FBXL17: variants seen among roughly 807,000 people sequenced by gnomAD.
FBXL17 encodes the protein F-box and leucine rich repeat protein 17, also known as F-box/LRR-repeat protein 17.
In FBXL17, 22 loss-of-function variants were observed where a neutral mutation model predicts 66.2. The observed-to-expected ratio is 0.33, with a 90% confidence interval of 0.24 to 0.47. FBXL17 has a LOEUF of 0.47. Among genes scored for constraint, FBXL17 ranks in the 20% least tolerant of loss-of-function variants. FBXL17 has a pLI of 1.00. For synonymous variants in FBXL17, 474 were observed against 400.5 expected (o/e 1.18, Z -2.19); for missense variants, 878 against 948.2 (o/e 0.93, Z 0.97).
At position 108,351,892 on chromosome 5, in the gene FBXL17, C is replaced by T. The variant is rs1338506955; in HGVS notation, c.1375-3362G>A. 3.3e-5 allele frequency among the ~76,000 whole-genome samples: 5 copies of T among 152,312 alleles called. No homozygotes were observed. In the East Asian group the frequency reaches 9.6e-4, roughly 29 times the overall value. On this transcript the variant is annotated intron_variant, in intron 3 of 8. Coordinates refer to ENST00000542267, the MANE Select transcript of FBXL17 (RefSeq NM_001163315.3). ...AATGTGCATGGACAAGTTGGTAGAA[C>T]CTCAGGTTAAGACACGTAAATCACA...
chr5:108,126,384 A>G (rs1750697205), intron 6 of FBXL17, among the ~76,000 whole-genome samples: 1 of 152,030 alleles, frequency 6.6e-6, no homozygotes, highest in Non-Finnish European at 1.5e-5. Flanking sequence ...TTGTTAAACC[A>G]CTATGCATTT....
intron 6 of FBXL17, among the ~76,000 whole-genome samples, chr5:108,134,519 C>T (rs755603247): frequency 4.6e-5 from 7 of 152,106 alleles, no homozygotes; most frequent in Non-Finnish European, 1.0e-4. Flanking sequence ...CCCAAAACCT[C>T]GTATCTGAAC....
At chr5:108,163,407 T>C (rs1301702506) in intron 6 of FBXL17, among the ~76,000 whole-genome samples, 1 of 72,994 alleles carries the variant, frequency 1.4e-5, no homozygotes, top group African/African-American at 3.1e-5. Context: ...TTCTTTTTTT[T>C]TTTTTTTTTT....
At chr5:107,928,211 G>A (rs191513997) in intron 7 of FBXL17, among the ~76,000 whole-genome samples, 5 of 152,120 alleles carry the variant, frequency 3.3e-5, no homozygotes, top group South Asian at 4.2e-4. Context: ...GGACTCCTAT[G>A]GGGCCTGCTC....
intron 7 of FBXL17, among the ~76,000 whole-genome samples, chr5:107,981,193 G>T (rs1363110804): frequency 3.9e-5 from 6 of 152,158 alleles, no homozygotes. Flanking sequence ...CATGGCTTGA[G>T]CAGGAGTCCA....
At chr5:107,914,449 G>A (rs1406620180) in intron 7 of FBXL17, among the ~76,000 whole-genome samples, 3 of 152,152 alleles carry the variant, frequency 2.0e-5, no homozygotes. Context: ...CAGGTGCAAG[G>A]AATATTTGCT....
Position 108,381,782 on chromosome 5 carries a change from C to G in FBXL17, c.-91G>C. ...CAGCGGGGCAGGCCGCTCGCTGGCT[C>G]GGCCCCCGGAGGGGTCGCCCTTCCT... On this transcript the variant is annotated 5_prime_UTR_variant, in exon 1 of 9. Coordinates refer to ENST00000542267, the MANE Select transcript of FBXL17 (RefSeq NM_001163315.3). The G allele has an allele frequency of 1.5e-6, 2 of 1,361,792 alleles. No individual in the cohort carries two copies. Among genetic ancestry groups the G allele is most frequent in the Non-Finnish European group, 1.9e-6 (2 of 1,062,382 alleles). The allele number at this position is 1,361,792 out of a possible 1,614,324, so 84.4% of individuals were successfully genotyped here.
intron 5 of FBXL17, among the ~76,000 whole-genome samples, chr5:108,202,810 C>T (rs886246619): frequency 1.3e-5 from 2 of 152,078 alleles, no homozygotes; most frequent in Non-Finnish European, 2.9e-5. Context: ...GTAACTGACA[C>T]CTGGGAAAAT....
Position 107,861,738 on chromosome 5 carries a change from C to T in FBXL17, c.2088G>A (p.Met696Ile), listed in dbSNP as rs764870650. ...RAYQMGWTPN[M>I]SAASS ...AGGAGCGCTAGGAGGAGGCGGCAGA[C>T]ATGTTGGGGGTCCAGCCCATCTGAT... is the stretch of plus-strand genomic sequence containing the variant. The change falls in exon 9 of 9, where the codon ATG becomes ATA. Residue 696 changes from methionine (M) to isoleucine (I), a missense_variant. Around this residue, in one of 4 missense-constraint regions of FBXL17, gnomAD observed 31 missense variants for 27.0 expected, o/e 1.15. Coordinates refer to ENST00000542267, the MANE Select transcript of FBXL17 (RefSeq NM_001163315.3). 6.3e-7 allele frequency: 1 copy of T among 1,579,320 alleles called. No homozygotes were observed. The highest frequency in any genetic ancestry group is 8.6e-7 in the Non-Finnish European group (1 of 1,159,990).
chr5:108,333,436 C>A (rs888439429), intron 4 of FBXL17, among the ~76,000 whole-genome samples: 2 of 152,024 alleles, frequency 1.3e-5, no homozygotes, highest in African/African-American at 4.8e-5. Context: ...CTTTATTCCT[C>A]TGACTACAAA....
At chr5:108,034,058 T>C (rs1161257209) in intron 6 of FBXL17, among the ~76,000 whole-genome samples, 1 of 152,188 alleles carries the variant, frequency 6.6e-6, no homozygotes, top group Non-Finnish European at 1.5e-5. Flanking sequence ...TGGGCCCAGA[T>C]AACATTTCAC....
chr5:108,330,262 C>T (rs570359914), intron 4 of FBXL17, among the ~76,000 whole-genome samples: 95 of 152,260 alleles, frequency 6.2e-4, no homozygotes, highest in African/African-American at 2.2e-3. Context: ...AAAGAAATGA[C>T]TGCTATGAAC....
intron 4 of FBXL17, among the ~76,000 whole-genome samples, chr5:108,248,626 C>T (rs1756214466): frequency 1.3e-5 from 2 of 151,944 alleles, no homozygotes; most frequent in South Asian, 4.2e-4. Flanking sequence ...ACATGAAAAA[C>T]CCAAAGAAAT....
At chr5:107,942,830 A>G (rs1177627519) in intron 7 of FBXL17, among the ~76,000 whole-genome samples, 1 of 151,818 alleles carries the variant, frequency 6.6e-6, no homozygotes, top group African/African-American at 2.4e-5. Flanking sequence ...ACCTAAGTGG[A>G]ATTCTCCTTT....
At chr5:108,122,019 A>T (rs775578621) in intron 6 of FBXL17, among the ~76,000 whole-genome samples, 3 of 152,196 alleles carry the variant, frequency 2.0e-5, no homozygotes, top group Non-Finnish European at 2.9e-5. Context: ...AAACAGATGG[A>T]ATCAAATTAA....
At chr5:108,084,260 G>C (rs1203398631) in intron 6 of FBXL17, among the ~76,000 whole-genome samples, 2 of 152,176 alleles carry the variant, frequency 1.3e-5, no homozygotes, top group East Asian at 1.9e-4. Flanking sequence ...CTTGGCAACA[G>C]CAATGCTGCT....
chr5:108,173,663 C>T (rs925252256), intron 6 of FBXL17, among the ~76,000 whole-genome samples: 5 of 152,134 alleles, frequency 3.3e-5, no homozygotes, highest in South Asian at 4.2e-4. Context: ...AAACATACCG[C>T]GTAAGAATTG....
intron 7 of FBXL17, among the ~76,000 whole-genome samples, chr5:107,923,708 T>C (rs768836179): frequency 7.2e-5 from 11 of 152,198 alleles, no homozygotes; most frequent in Non-Finnish European, 1.2e-4. Flanking sequence ...CTAGGGTACT[T>C]GATATGCTAC....
intron 7 of FBXL17, among the ~76,000 whole-genome samples, chr5:107,925,239 G>T (rs150845810): frequency 8.9e-4 from 135 of 152,298 alleles, no homozygotes; most frequent in Non-Finnish European, 1.5e-3. Context: ...CACATGTGTT[G>T]TGTTTCCATA....
Sources: allele counts gnomAD v4.1 joint callset (sites outside exome capture counted in the v4.1 genomes callset), GRCh38; gene constraint gnomAD v4.1.1; regional missense constraint gnomAD v4.1.1; transcripts MANE v1.5; gene names NCBI Gene and HGNC (gene_info 2026-07-23, HGNC 2026-07-21).